Variants in BCKDHB observed in about 807,000 individuals in gnomAD.
BCKDHB encodes the protein branched chain keto acid dehydrogenase E1 subunit beta.
A neutral mutation model predicts 48.5 loss-of-function variants in BCKDHB; 41 were observed. The ratio of observed to expected loss-of-function variants is 0.85; its 90% CI spans 0.66 to 1.10. BCKDHB has a LOEUF of 1.10. Ranked by LOEUF, BCKDHB falls within the 50% of genes least tolerant of loss-of-function variation. The pLI is 0.00. For synonymous variants in BCKDHB, 201 were observed against 174.8 expected (o/e 1.15, Z -1.18); for missense variants, 496 against 494.2 (o/e 1.00, Z -0.03).
At chr6:80,171,242 A>G (rs1305773832) in intron 5 of BCKDHB, 40 bp from the exon 6 acceptor site, 1 of 1,272,330 alleles carries the variant, frequency 7.9e-7, no homozygotes, top group East Asian at 2.3e-5. Flanking sequence ...ACTGGGATAT[A>G]TTTTTACTAA....
At chr6:80,257,874 C>T (rs1025542824) in intron 8 of BCKDHB, among the ~76,000 whole-genome samples, 6 of 151,952 alleles carry the variant, frequency 3.9e-5, no homozygotes, top group East Asian at 1.9e-4. Context: ...TTTTTTCCTT[C>T]GGACTCCCAG....
At chr6:80,339,930 T>A (rs919661822) in intron 9 of BCKDHB, among the ~76,000 whole-genome samples, 2 of 152,164 alleles carry the variant, frequency 1.3e-5, no homozygotes, top group African/African-American at 4.8e-5. Context: ...TGTAGTCAGG[T>A]TCGAATCTTA....
At chr6:80,167,214 A>G (rs949588910) in intron 3 of BCKDHB, among the ~76,000 whole-genome samples, 1 of 151,716 alleles carries the variant, frequency 6.6e-6, no homozygotes, top group Non-Finnish European at 1.5e-5. Context: ...TCTTTTGGTT[A>G]GGTTTTTTAT....
intron 6 of BCKDHB, among the ~76,000 whole-genome samples, chr6:80,181,261 T>C (rs1773398493): frequency 6.6e-6 from 1 of 152,202 alleles, no homozygotes. Context: ...ATTAAAAATG[T>C]ATACAACTGC....
At chr6:80,242,826 G>T (rs1471780446) in intron 8 of BCKDHB, among the ~76,000 whole-genome samples, 1 of 151,320 alleles carries the variant, frequency 6.6e-6, no homozygotes, top group Non-Finnish European at 1.5e-5. Flanking sequence ...TGGTACTGGG[G>T]CATCAGGCTA....
intron 9 of BCKDHB, among the ~76,000 whole-genome samples, chr6:80,322,142 T>C (rs1768760607): frequency 6.6e-6 from 1 of 152,134 alleles, no homozygotes; most frequent in Non-Finnish European, 1.5e-5. Context: ...CCATCATTGC[T>C]CTTTTCTTTA....
chr6:80,402,490 C>G, the BCKDHB span, among the ~76,000 whole-genome samples: 1 of 151,796 alleles, frequency 6.6e-6, no homozygotes, highest in African/African-American at 2.4e-5. Flanking sequence ...GTATGACTTC[C>G]ATACATATTT....
intron 2 of BCKDHB, among the ~76,000 whole-genome samples, chr6:80,128,194 A>G (rs1770441472): frequency 6.6e-6 from 1 of 151,770 alleles, no homozygotes; most frequent in Non-Finnish European, 1.5e-5. Context: ...CAGTTTATAT[A>G]TGTGTGTGTG....
rs144531503 is a variant in BCKDHB, at chr6:80,127,632, T to G, written c.274+8T>G. ...CCAAAGATCCTACTGCAGGTAACCC[T>G]GATATGTGCCTGAATTGTGGTAGCT... On this transcript the variant is annotated splice_region_variant and intron_variant, in intron 2 of 9. Transcript: ENST00000320393. The G allele has an allele frequency of 1.2e-6, 2 of 1,606,728 alleles. No individual in the cohort carries two copies. Among genetic ancestry groups the G allele is most frequent in the African/African-American group, 2.7e-5 (2 of 74,768 alleles).
At chr6:80,185,045 A>G (rs1773579299) in intron 6 of BCKDHB, among the ~76,000 whole-genome samples, 1 of 152,004 alleles carries the variant, frequency 6.6e-6, no homozygotes, top group African/African-American at 2.4e-5. Context: ...GAACTTTCAG[A>G]TTTTTCTTCT....
intron 9 of BCKDHB, among the ~76,000 whole-genome samples, chr6:80,301,440 A>G (rs1009377783): frequency 7.9e-5 from 12 of 152,194 alleles, no homozygotes; most frequent in African/African-American, 2.9e-4. Context: ...GAAATTGTCA[A>G]ATCCCTGGAA....
rs148582754 is a variant in BCKDHB, at chr6:80,168,995, C to A, written c.598C>A (p.Pro200Thr). 3 of 1,613,990 alleles carry A rather than the reference C, an allele frequency of 1.9e-6. No individual in the cohort carries two copies. Among genetic ancestry groups the A allele is most frequent in the African/African-American group, 2.7e-5 (2 of 74,910 alleles). Residue 200 changes from proline (P) to threonine (T), a missense_variant, in exon 5 of 10, where the codon CCT (proline) becomes ACT (threonine). By Grantham distance (38) the Pro-to-Thr change is conservative. Coordinates refer to ENST00000320393, the MANE Select transcript of BCKDHB (RefSeq NM_183050.4). Reference sequence around the variant, plus strand: ...TGGGGCTCTCTATCATTCTCAGAGTCCTGAAGCATTTTTTGCCCATTGCCC... The same window carrying A: ...TGGGGCTCTCTATCATTCTCAGAGTACTGAAGCATTTTTTGCCCATTGCCC... ...GHGALYHSQS[P>T]EAFFAHCPGI...
At chr6:80,195,634 G>A (rs1774097218) in intron 6 of BCKDHB, among the ~76,000 whole-genome samples, 1 of 152,126 alleles carries the variant, frequency 6.6e-6, no homozygotes, top group Admixed American at 6.6e-5. Context: ...CCTAAGAGCT[G>A]ATTAATTTAA....
intron 1 of BCKDHB, among the ~76,000 whole-genome samples, chr6:80,113,027 G>A (rs915765111): frequency 1.3e-5 from 2 of 152,228 alleles, no homozygotes; most frequent in African/African-American, 4.8e-5. Context: ...TAGCAAGTCA[G>A]ATAGAATAGG....
At chr6:80,242,068 A>C (rs1471919447) in intron 8 of BCKDHB, among the ~76,000 whole-genome samples, 1 of 152,082 alleles carries the variant, frequency 6.6e-6, no homozygotes, top group African/African-American at 2.4e-5. Flanking sequence ...TCTGTGGTCA[A>C]ATTTATTCAT....
chr6:80,257,180 A>G (rs958155343), intron 8 of BCKDHB, among the ~76,000 whole-genome samples: 8 of 152,072 alleles, frequency 5.3e-5, no homozygotes, highest in African/African-American at 1.9e-4. Context: ...ACAGCAGTGA[A>G]AAAACAGTCT....
At chr6:80,141,746 A>T (rs2127742729) in intron 3 of BCKDHB, among the ~76,000 whole-genome samples, 1 of 152,286 alleles carries the variant, frequency 6.6e-6, no homozygotes, top group East Asian at 1.9e-4. Flanking sequence ...GAATTAGAAA[A>T]TGAGACCATG....
At chr6:80,138,976 CTT>C (rs1268644700) in intron 3 of BCKDHB, among the ~76,000 whole-genome samples, 19 of 152,168 alleles carry the variant, frequency 1.2e-4, no homozygotes, top group Non-Finnish European at 4.4e-5. Flanking sequence ...TGTTTCCTGA[CTT>C]TTTAATGATT....
At chr6:80,411,576 G>A in the BCKDHB span, among the ~76,000 whole-genome samples, 15 of 152,372 alleles carry the variant, frequency 9.8e-5, no homozygotes, top group East Asian at 2.7e-3. Context: ...CAGAGGTGGA[G>A]TCTATAGAGG....
Sources: allele counts gnomAD v4.1 joint callset (sites outside exome capture counted in the v4.1 genomes callset), GRCh38; gene constraint gnomAD v4.1.1; transcripts MANE v1.5; gene names NCBI Gene and HGNC (gene_info 2026-07-23, HGNC 2026-07-21).